Variants in SIPA1L3 observed in about 807,000 individuals in gnomAD.
The protein encoded by SIPA1L3 is signal-induced proliferation-associated 1-like protein 3.
SIPA1L3 carries 59 observed loss-of-function variants against 150.1 expected under a neutral mutation model. The ratio of observed to expected loss-of-function variants is 0.39; its 90% CI spans 0.32 to 0.49. SIPA1L3 has a LOEUF of 0.49. SIPA1L3 is among the 20% of genes least tolerant of loss of function. The pLI, the probability that SIPA1L3 is intolerant of heterozygous loss-of-function variation, is 0.86. For synonymous variants in SIPA1L3, 1,070 were observed against 1,077.6 expected, an observed-to-expected ratio of 0.99 and a Z score of 0.14; for missense variants, 2,211 against 2,489.5, an observed-to-expected ratio of 0.89 and a Z score of 2.38.
At chr19:38,095,170 A>T (rs1304236590) in intron 4 of SIPA1L3, among the ~76,000 whole-genome samples, 11 of 152,220 alleles carry the variant, frequency 7.2e-5, no homozygotes, top group African/African-American at 1.4e-4. Flanking sequence ...ATCTACAGAT[A>T]ATAATGGTTA....
chr19:37,933,441 A>G (rs2046573527), intron 1 of SIPA1L3, among the ~76,000 whole-genome samples: 1 of 151,812 alleles, frequency 6.6e-6, no homozygotes. Flanking sequence ...ATTTACTTCC[A>G]CTTGACATAT....
intron 5 of SIPA1L3, among the ~76,000 whole-genome samples, chr19:38,100,692 C>T (rs1454153530): frequency 6.6e-6 from 1 of 152,256 alleles, no homozygotes; most frequent in African/African-American, 2.4e-5. Flanking sequence ...AAGCCTTGAG[C>T]CCTCCAGATT....
chr19:37,993,027 A>G (rs936545330), intron 1 of SIPA1L3, among the ~76,000 whole-genome samples: 1 of 152,166 alleles, frequency 6.6e-6, no homozygotes, highest in African/African-American at 2.4e-5. Flanking sequence ...GCACGGTGCT[A>G]AGCACAGAGG....
chr19:37,945,925 C>T (rs1012265325), intron 1 of SIPA1L3, among the ~76,000 whole-genome samples: 7 of 151,938 alleles, frequency 4.6e-5, no homozygotes, highest in Non-Finnish European at 8.8e-5. Flanking sequence ...GAGGCCAAGG[C>T]GGGAGGATCA....
chr19:38,012,338 A>C (rs1968123524), intron 1 of SIPA1L3, among the ~76,000 whole-genome samples: 2 of 151,766 alleles, frequency 1.3e-5, no homozygotes, highest in Non-Finnish European at 2.9e-5. Context: ...CTCCCACCTC[A>C]GTGTCCCAAA....
intron 1 of SIPA1L3, among the ~76,000 whole-genome samples, chr19:37,928,459 T>C (rs1438338314): frequency 6.6e-6 from 1 of 152,162 alleles, no homozygotes; most frequent in Non-Finnish European, 1.5e-5. Context: ...TGGTCCCAGC[T>C]ATTCGAGAGG....
At chr19:38,154,820 G>A (rs901205297) in intron 13 of SIPA1L3, among the ~76,000 whole-genome samples, 2 of 148,608 alleles carry the variant, frequency 1.3e-5, no homozygotes, top group Admixed American at 6.7e-5. Flanking sequence ...GGAGTGCAGT[G>A]GCGTAATCTC....
intron 9 of SIPA1L3, among the ~76,000 whole-genome samples, chr19:38,123,072 A>G (rs868097850): frequency 6.6e-6 from 1 of 152,138 alleles, no homozygotes; most frequent in South Asian, 2.1e-4. Flanking sequence ...CGTATGCTAT[A>G]GTGGCCGCAA....
At chr19:38,196,942 A>G (rs1378275890) in intron 18 of SIPA1L3, among the ~76,000 whole-genome samples, 1 of 152,176 alleles carries the variant, frequency 6.6e-6, no homozygotes, top group Non-Finnish European at 1.5e-5. Flanking sequence ...GTAAAATGTA[A>G]AAAATAGTGC....
At chr19:38,029,206 CAT>C (rs1968588408) in intron 2 of SIPA1L3, 50 bp downstream of exon 2, 1 of 152,050 alleles carries the variant, frequency 6.6e-6, no homozygotes, top group Admixed American at 6.6e-5. Flanking sequence ...AACTCATACA[CAT>C]ATTATTTTTT....
At chr19:38,166,421 C>T (rs1160314217) in intron 15 of SIPA1L3, among the ~76,000 whole-genome samples, 1 of 150,484 alleles carries the variant, frequency 6.6e-6, no homozygotes, top group African/African-American at 2.4e-5. Context: ...CGTGCCACTG[C>T]ACTCCACCCA....
intron 15 of SIPA1L3, among the ~76,000 whole-genome samples, chr19:38,176,990 C>CA (rs1302119778): frequency 2.6e-5 from 4 of 151,088 alleles, no homozygotes; most frequent in Non-Finnish European, 5.9e-5. Flanking sequence ...AAACAAACAA[C>CA]AAAAAAACAA....
At position 38,046,885 on chromosome 19, in the gene SIPA1L3, CGT is replaced by C. The variant is rs1568518977; in HGVS notation, c.-311+17732_-311+17733del. Among the ~76,000 whole-genome samples the C allele has an allele frequency of 6.6e-6, 1 of 152,188 alleles. No homozygotes were observed. Among genetic ancestry groups the C allele is most frequent in the African/African-American group, 2.4e-5 (1 of 41,456 alleles). On this transcript the variant is annotated intron_variant, in intron 2 of 21. Transcript: ENST00000222345. This position sits in a 1 kb window ranked among gnomAD's most constrained non-coding sequence, Gnocchi z 5.6. ...TCTCTTTGAGAGCACTTGGGTGTAT[CGT>C]GTCTCAGAAAACCCACATGGCTTGT... is the stretch of plus-strand genomic sequence containing the variant.
intron 2 of SIPA1L3, among the ~76,000 whole-genome samples, chr19:38,065,774 G>A (rs1362637684): frequency 6.6e-6 from 1 of 152,072 alleles, no homozygotes; most frequent in Non-Finnish European, 1.5e-5. Context: ...AGTATAAGCT[G>A]TGTTCATTCC....
chr19:38,116,640 GAATTCGAGACC>G (rs1292568254), intron 8 of SIPA1L3, among the ~76,000 whole-genome samples: 1 of 151,508 alleles, frequency 6.6e-6, no homozygotes, highest in East Asian at 1.9e-4. Flanking sequence ...TTGAGGCCAG[GAATTCGAGACC>G]AGCCTGGCCA....
chr19:38,014,325 C>T (rs546902037), intron 1 of SIPA1L3, among the ~76,000 whole-genome samples: 5 of 152,262 alleles, frequency 3.3e-5, no homozygotes, highest in East Asian at 3.9e-4. Flanking sequence ...ATGAACTAAG[C>T]GGAGTTTGGT....
At chr19:37,909,476 T>G (rs2046361110) in intron 1 of SIPA1L3, among the ~76,000 whole-genome samples, 1 of 152,148 alleles carries the variant, frequency 6.6e-6, no homozygotes. Context: ...CCCAAAGTGC[T>G]GGGATTGTAG....
At chr19:37,962,001 A>G (rs1259100429) in intron 1 of SIPA1L3, among the ~76,000 whole-genome samples, 2 of 151,724 alleles carry the variant, frequency 1.3e-5, no homozygotes, top group African/African-American at 4.8e-5. Context: ...TTTAAATGTT[A>G]TTTTATTTAT....
intron 9 of SIPA1L3, among the ~76,000 whole-genome samples, chr19:38,125,486 G>T (rs79238714): frequency 6.6e-6 from 1 of 151,830 alleles, no homozygotes. Context: ...ACCCACCCCC[G>T]TGCCTACTGT....
Sources: allele counts gnomAD v4.1 joint callset (sites outside exome capture counted in the v4.1 genomes callset), GRCh38; gene constraint gnomAD v4.1.1; non-coding constraint Gnocchi (gnomAD v3.1); transcripts MANE v1.5; gene names NCBI Gene and HGNC (gene_info 2026-07-23, HGNC 2026-07-21).